Variants in CCDC146 observed in about 807,000 individuals in gnomAD.
The protein encoded by CCDC146 is coiled-coil domain containing 146, also known as coiled-coil domain-containing protein 146.
In CCDC146, 92 loss-of-function variants were observed where a neutral mutation model predicts 119.3. The observed-to-expected ratio is 0.77, with a 90% confidence interval of 0.65 to 0.92. The LOEUF (loss-of-function observed/expected upper bound fraction) is 0.92. Ranked by LOEUF, CCDC146 falls within the 40% of genes least tolerant of loss-of-function variation. The pLI is 0.00. For missense variants in CCDC146, 1,000 were observed against 1,103.0 expected (o/e 0.91, Z 1.32); for synonymous variants, 372 against 371.8 (o/e 1.00, Z -0.01).
intron 14 of CCDC146, chr7:77,282,353 G>A (rs1453523490): frequency 8.2e-6 from 4 of 490,188 alleles, no homozygotes; most frequent in Middle Eastern, 5.4e-4. Context: ...CCTCAAAGTT[G>A]AGAGGCTCAG....
intron 1 of CCDC146, among the ~76,000 whole-genome samples, chr7:77,134,377 G>A (rs1271174208): frequency 1.3e-5 from 2 of 152,154 alleles, no homozygotes; most frequent in Non-Finnish European, 2.9e-5. Flanking sequence ...AACAGAAAAA[G>A]AGTGGAAGAT....
At chr7:77,147,992 T>A (rs1387602890) in intron 1 of CCDC146, among the ~76,000 whole-genome samples, 1 of 152,238 alleles carries the variant, frequency 6.6e-6, no homozygotes, top group Non-Finnish European at 1.5e-5. Flanking sequence ...TGTTCGGCTA[T>A]GCCCTGCCCC....
At chr7:77,209,726 A>C (rs762413182) in intron 2 of CCDC146, among the ~76,000 whole-genome samples, 3 of 152,214 alleles carry the variant, frequency 2.0e-5, no homozygotes, top group Non-Finnish European at 2.9e-5. Flanking sequence ...CTTGAAAGCT[A>C]GGCAGAGGCT....
rs762156755 is a variant in CCDC146, at chr7:77,199,629, G to A, written c.156+31805G>A. 3.7e-6 allele frequency: 6 copies of A among 1,613,986 alleles called. No individual in the cohort carries two copies. In the South Asian group the frequency reaches 4.4e-5, roughly 12 times the overall value. On this transcript the variant is annotated intron_variant, in intron 2 of 18. Coordinates refer to ENST00000285871, the MANE Select transcript of CCDC146 (RefSeq NM_020879.3). The stretch of plus-strand genomic sequence containing the variant: ...AGGGGGGCAGGCTTACCTGGTAGGG[G>A]CACTCCCCTGCCTCTTCGCATTTCC...
At chr7:77,284,648 T>C (rs1793817897) in intron 15 of CCDC146, among the ~76,000 whole-genome samples, 1 of 151,560 alleles carries the variant, frequency 6.6e-6, no homozygotes, top group African/African-American at 2.4e-5. Flanking sequence ...AAAAAAATTG[T>C]CATTTTATTA....
intron 2 of CCDC146, among the ~76,000 whole-genome samples, chr7:77,182,680 C>G (rs556408515): frequency 7.2e-5 from 11 of 152,212 alleles, no homozygotes; most frequent in Non-Finnish European, 1.6e-4. Flanking sequence ...CGCCTGTAGT[C>G]CCAGATACTA....
chr7:77,210,773 T>C (rs1584076068), intron 2 of CCDC146, among the ~76,000 whole-genome samples: 1 of 152,250 alleles, frequency 6.6e-6, no homozygotes, highest in African/African-American at 2.4e-5. Flanking sequence ...CTCAGGAAGC[T>C]TACAATTATG....
At chr7:77,255,348 G>A (rs2150507409) in intron 5 of CCDC146, 1 of 152,164 alleles carries the variant, frequency 6.6e-6, no homozygotes, top group South Asian at 2.1e-4. Context: ...AGGAATTCGT[G>A]GCCACTTTTT....
At chr7:77,274,093 G>A (rs757141077) in intron 10 of CCDC146, among the ~76,000 whole-genome samples, 13 of 152,054 alleles carry the variant, frequency 8.5e-5, no homozygotes, top group African/African-American at 2.4e-4. Flanking sequence ...TCAAATTTTC[G>A]TTTGTTTTTA....
chr7:77,124,538 G>T (rs958161950), intron 1 of CCDC146, among the ~76,000 whole-genome samples: 4 of 152,140 alleles, frequency 2.6e-5, no homozygotes, highest in African/African-American at 7.2e-5. Context: ...CAATTAGAAG[G>T]TCTGGCCCTT....
chr7:77,282,425 T>G (rs936277088), intron 14 of CCDC146, 132 bp from the exon 15 acceptor site: 1 of 630,704 alleles, frequency 1.6e-6, no homozygotes, highest in Non-Finnish European at 2.8e-6. Flanking sequence ...AAGCCATTGG[T>G]GACTATCTGT....
At chr7:77,126,910 G>A (rs1283500236) in intron 1 of CCDC146, among the ~76,000 whole-genome samples, 2 of 152,070 alleles carry the variant, frequency 1.3e-5, no homozygotes, top group African/African-American at 4.8e-5. Flanking sequence ...ACTGAAGGTA[G>A]AGCCTTACTG....
rs868497011 is a variant in CCDC146 at position 77,256,485 on chromosome 7, G to T, written c.660G>T (p.Leu220Phe). Residue 220 changes from leucine to phenylalanine, a missense_variant, in exon 6 of 19, where the codon TTG (leucine) becomes TTT (phenylalanine). Physicochemically the swap from Leu to Phe is conservative, Grantham distance 22. This residue lies in a region of CCDC146 where 985 missense variants were observed against 1,045.3 expected (regional missense o/e 0.94). Coordinates refer to ENST00000285871, the MANE Select transcript of CCDC146 (RefSeq NM_020879.3). Reference sequence around the variant, plus strand: ...AAGAGCAGAAGGAACTAGAAGAATTGTTGGGACATCAGGTCGTCCTAAAGG... The same window carrying T: ...AAGAGCAGAAGGAACTAGAAGAATTTTTGGGACATCAGGTCGTCCTAAAGG... ...LLKEQKELEE[L>F]LGHQVVLKDE... The T allele has an allele frequency of 4.4e-6, 7 of 1,605,388 alleles. No homozygotes were observed. Among genetic ancestry groups the T allele is most frequent in the African/African-American group, 1.3e-5 (1 of 74,226 alleles).
intron 2 of CCDC146, among the ~76,000 whole-genome samples, chr7:77,172,252 T>G (rs1791433950): frequency 1.3e-5 from 2 of 152,256 alleles, no homozygotes; most frequent in South Asian, 4.1e-4. Context: ...ACTCTAAAAT[T>G]TATGGGTCTC....
At chr7:77,203,129 A>G (rs114733508) in intron 2 of CCDC146, among the ~76,000 whole-genome samples, 2,078 of 148,628 alleles carry the variant, frequency 0.014, 47 homozygotes, top group African/African-American at 0.048. Context: ...GGTAGCAGGC[A>G]CTAGATAAGA....
chr7:77,280,793 G>A (rs1793748542), intron 14 of CCDC146, 140 bp downstream of exon 14: 1 of 643,504 alleles, frequency 1.6e-6, no homozygotes, highest in South Asian at 2.0e-5. Context: ...GGGACTGTGT[G>A]TTGCTTCCCT....
At chr7:77,203,031 G>GCCC (rs35529684) in intron 2 of CCDC146, among the ~76,000 whole-genome samples, 1 of 107,224 alleles carries the variant, frequency 9.3e-6, no homozygotes, top group African/African-American at 3.1e-5. Flanking sequence ...TAAAATACTT[G>GCCC]CCCCCCCCCC....
rs868070395 is a variant in CCDC146, at chr7:77,271,542, A to T, written c.1174-2152A>T. Reference sequence around the variant, plus strand: ...TATATATATATATATATATATATATATATATATATATATATATATATATAT... The same window carrying T: ...TATATATATATATATATATATATATTTATATATATATATATATATATATAT... On this transcript the variant is annotated intron_variant, in intron 9 of 18. Transcript: ENST00000285871. Among the ~76,000 whole-genome samples the T allele has an allele frequency of 2.7e-4, 25 of 92,634 alleles. No individual in the cohort carries two copies. In the East Asian group the frequency reaches 3.2e-3, roughly 12 times the overall value. 60.8% of individuals were successfully genotyped at this position (92,634 alleles called of 152,430 possible).
At chr7:77,285,054 G>A (rs915669518) in intron 15 of CCDC146, among the ~76,000 whole-genome samples, 9 of 151,376 alleles carry the variant, frequency 5.9e-5, no homozygotes, top group Admixed American at 1.3e-4. Context: ...ATTTTTTTCG[G>A]TCGTCCATAA....
Sources: allele counts gnomAD v4.1 joint callset (sites outside exome capture counted in the v4.1 genomes callset), GRCh38; gene constraint gnomAD v4.1.1; regional missense constraint gnomAD v4.1.1; transcripts MANE v1.5; gene names NCBI Gene and HGNC (gene_info 2026-07-23, HGNC 2026-07-21).